ST8SIA6: variants seen among roughly 807,000 people sequenced by gnomAD.
The protein encoded by ST8SIA6 is alpha-2,8-sialyltransferase 8F.
In ST8SIA6, 39 loss-of-function variants were observed where a neutral mutation model predicts 33.6. The ratio of observed to expected loss-of-function variants is 1.16; its 90% CI spans 0.90 to 1.52. ST8SIA6 has a LOEUF of 1.52. Ranked by LOEUF, ST8SIA6 falls within the 40% of genes most tolerant of loss-of-function variation. The pLI, the probability that ST8SIA6 is intolerant of heterozygous loss-of-function variation, is 0.00. For synonymous variants in ST8SIA6, 172 were observed against 167.2 expected (o/e 1.03, Z -0.22); for missense variants, 441 against 443.8 (o/e 0.99, Z 0.06).
intron 2 of ST8SIA6, among the ~76,000 whole-genome samples, chr10:17,408,537 G>A (rs1204372876): frequency 6.6e-6 from 1 of 151,864 alleles, no homozygotes; most frequent in Non-Finnish European, 1.5e-5. Flanking sequence ...GGGGGCATCT[G>A]TAATCTCAGC....
At chr10:17,347,855 C>G (rs56062372) in intron 4 of ST8SIA6, among the ~76,000 whole-genome samples, 27,436 of 146,736 alleles carry the variant, frequency 0.19, 2,526 homozygotes, top group South Asian at 0.21. Flanking sequence ...GAATCGGAGG[C>G]TGAGGCAGGA....
chr10:17,327,034 A>T lies in ST8SIA6; in HGVS notation c.615T>A (p.Asp205Glu). 1 of 1,605,548 alleles carries T rather than the reference A, an allele frequency of 6.2e-7. No homozygotes were observed. Among genetic ancestry groups the T allele is most frequent in the Non-Finnish European group, 8.5e-7 (1 of 1,176,834 alleles). ...LNKSLCGTEIDKSDFVFRCNL... is the reference protein window; with the variant it reads ...LNKSLCGTEIEKSDFVFRCNL... ...CTTACCTAAAAACGAAGTCGGATTTATCTATTTCAGTTCCACAGAGAGACT... is the reference window on the plus strand; with the variant it reads ...CTTACCTAAAAACGAAGTCGGATTTTTCTATTTCAGTTCCACAGAGAGACT... Residue 205 changes from aspartate to glutamate, a missense_variant, in exon 6 of 8, where the codon GAT (aspartate) becomes GAA (glutamate). Asp to Glu is a conservative substitution (Grantham distance 45). Coordinates refer to ENST00000377602, the MANE Select transcript of ST8SIA6 (RefSeq NM_001004470.3).
At position 17,317,777 on chromosome 10, in the gene ST8SIA6, A is replaced by G. The variant is rs1348788750; in HGVS notation, c.*3101T>C. ...TTTGCTGCTTAATTCTGTATTCTAC[A>G]GAGAGTCCTCAAAAAAAGACTTTTT... On this transcript the variant is annotated 3_prime_UTR_variant, in exon 8 of 8. Coordinates refer to ENST00000377602, the MANE Select transcript of ST8SIA6 (RefSeq NM_001004470.3). 6.6e-6 allele frequency among the ~76,000 whole-genome samples: 1 copy of G among 152,346 alleles called. No individual in the cohort carries two copies. Among genetic ancestry groups the G allele is most frequent in the South Asian group, 2.1e-4 (1 of 4,828 alleles).
At chr10:17,330,749 C>A (rs901827246) in intron 5 of ST8SIA6, among the ~76,000 whole-genome samples, 4 of 152,102 alleles carry the variant, frequency 2.6e-5, no homozygotes, top group African/African-American at 7.2e-5. Flanking sequence ...TGTTTATAAG[C>A]AATGAGATGT....
chr10:17,331,273 C>A, intron 5 of ST8SIA6, 135 bp downstream of exon 5: 1 of 1,096,582 alleles, frequency 9.1e-7, no homozygotes. Flanking sequence ...AAAAATGGCT[C>A]ACTGTCCAAA....
chr10:17,346,030 G>A lies in ST8SIA6; in HGVS notation c.377+13484C>T, dbSNP rs1365659318. 2.6e-5 allele frequency among the ~76,000 whole-genome samples: 4 copies of A among 152,228 alleles called. No individual in the cohort carries two copies. The South Asian group carries it at 6.2e-4, about 24-fold the overall frequency. On this transcript the variant is annotated intron_variant, in intron 4 of 7. Transcript: ENST00000377602. ...GATTTCCAATGCGAGGTCATAGAAA[G>A]TGTTGTGGCTTCTGCCTGGATCTCT...
intron 6 of ST8SIA6, among the ~76,000 whole-genome samples, chr10:17,326,395 C>T (rs11254534): frequency 0.29 from 43,734 of 152,052 alleles, 6,706 homozygotes; most frequent in Middle Eastern, 0.38. Flanking sequence ...TTTGGTATGG[C>T]TTATTAGTAC....
At chr10:17,322,747 A>C (rs1407312753) in intron 7 of ST8SIA6, among the ~76,000 whole-genome samples, 1 of 152,212 alleles carries the variant, frequency 6.6e-6, no homozygotes, top group African/African-American at 2.4e-5. Context: ...AAGTGCTACC[A>C]AGAAAAAAGA....
chr10:17,416,054 GGCCTCA>G (rs1408338519), intron 2 of ST8SIA6, among the ~76,000 whole-genome samples: 1 of 151,510 alleles, frequency 6.6e-6, no homozygotes, highest in Non-Finnish European at 1.5e-5. Flanking sequence ...GTGATCCACC[GGCCTCA>G]GCCTCCCAAA....
chr10:17,331,756 C>G (rs770533313), intron 4 of ST8SIA6, among the ~76,000 whole-genome samples: 1 of 151,796 alleles, frequency 6.6e-6, no homozygotes, highest in African/African-American at 2.4e-5. Context: ...TTTCATTCTT[C>G]TTTTGTCTTT....
At chr10:17,353,467 TTTC>T (rs1564417053) in intron 4 of ST8SIA6, among the ~76,000 whole-genome samples, 2 of 152,322 alleles carry the variant, frequency 1.3e-5, no homozygotes, top group Non-Finnish European at 1.5e-5. Flanking sequence ...TTAACACTAT[TTTC>T]TTCAAAGAAC....
intron 3 of ST8SIA6, among the ~76,000 whole-genome samples, chr10:17,381,334 A>G (rs1388043459): frequency 6.6e-6 from 1 of 152,184 alleles, no homozygotes; most frequent in African/African-American, 2.4e-5. Context: ...CTGAAAGTCT[A>G]TAATAGGAAA....
intron 2 of ST8SIA6, among the ~76,000 whole-genome samples, chr10:17,408,567 G>A (rs1391173446): frequency 6.6e-6 from 1 of 151,842 alleles, no homozygotes; most frequent in African/African-American, 2.4e-5. Flanking sequence ...GACTGAGAGA[G>A]GAGAATCGCT....
Position 17,359,662 on chromosome 10 carries a change from G to T in ST8SIA6, c.291-62C>A, listed in dbSNP as rs989693020. ...ATCTCATATGTAAGTCTTCTTAGAA[G>T]ATACTGTTATAATCTACTCCCTTTA... On this transcript the variant is annotated intron_variant, in intron 3 of 7. Transcript: ENST00000377602. 76 of 1,065,206 alleles carry T rather than the reference G, an allele frequency of 7.1e-5. 1 individual carries two copies. The highest frequency in any genetic ancestry group is 1.0e-4 in the Non-Finnish European group (73 of 731,042). 66.0% of individuals were successfully genotyped at this position (1,065,206 alleles called of 1,614,324 possible). A position where few individuals can be genotyped will look rare whatever the true frequency, so the allele number is the denominator to read the frequency against.
Position 17,334,018 on chromosome 10 carries a change from G to GT in ST8SIA6, c.378-2467dup, listed in dbSNP as rs927696048. Among the ~76,000 whole-genome samples the GT allele has an allele frequency of 1.9e-3, 267 of 144,246 alleles. 1 individual carries two copies. The highest frequency in any genetic ancestry group is 2.3e-3 in the African/African-American group (91 of 39,512). 94.6% of individuals were successfully genotyped at this position (144,246 alleles called of 152,430 possible). A position where few individuals can be genotyped will look rare whatever the true frequency, so the allele number is the denominator to read the frequency against. On this transcript the variant is annotated intron_variant, in intron 4 of 7. Transcript: ENST00000377602. ...TTACAGGCGTGAGCCACTGCACCTG[G>GT]TTTTTTTTTTTAAATCTCACTAGAC... is the stretch of plus-strand genomic sequence containing the variant.
intron 2 of ST8SIA6, among the ~76,000 whole-genome samples, chr10:17,444,423 A>C (rs1379341196): frequency 6.6e-6 from 1 of 152,098 alleles, no homozygotes; most frequent in Non-Finnish European, 1.5e-5. Context: ...ATAAAATTCC[A>C]CCTCCAACAA....
chr10:17,442,990 C>T (rs1037608333), intron 2 of ST8SIA6, among the ~76,000 whole-genome samples: 3 of 152,130 alleles, frequency 2.0e-5, no homozygotes, highest in African/African-American at 7.2e-5. Flanking sequence ...CTTCGACTTC[C>T]CAGAACTACA....
chr10:17,365,473 C>T (rs1849530454), intron 3 of ST8SIA6, among the ~76,000 whole-genome samples: 1 of 152,096 alleles, frequency 6.6e-6, no homozygotes, highest in African/African-American at 2.4e-5. Flanking sequence ...CAGAAATAAA[C>T]AATTCATAAG....
intron 2 of ST8SIA6, among the ~76,000 whole-genome samples, chr10:17,438,857 A>T (rs113162935): frequency 0.011 from 1,704 of 152,352 alleles, 23 homozygotes; most frequent in African/African-American, 0.039. Flanking sequence ...AGGAAAAGGG[A>T]TTAAGACCAA....
Sources: gnomAD v4.1 joint callset for allele counts (sites outside exome capture counted in the v4.1 genomes callset) on GRCh38, gnomAD v4.1.1 for gene constraint, MANE v1.5 for transcripts, NCBI Gene and HGNC (gene_info 2026-07-23, HGNC 2026-07-21) for gene names.